The following RAD23B variants were observed in gnomAD, a reference collection of about 807,000 sequenced individuals.
The protein encoded by RAD23B is RAD23 nucleotide excision repair protein B.
RAD23B carries 5 observed loss-of-function variants against 49.1 expected under a neutral mutation model. That is an observed-to-expected ratio of 0.10 (90% CI 0.05 to 0.21). The LOEUF (loss-of-function observed/expected upper bound fraction) is 0.21. Among genes scored for constraint, RAD23B ranks in the 10% least tolerant of loss-of-function variants. The pLI, the probability that RAD23B is intolerant of heterozygous loss-of-function variation, is 1.00. For missense variants in RAD23B, 356 were observed against 486.7 expected (o/e 0.73, Z 2.53); for synonymous variants, 184 against 165.4 (o/e 1.11, Z -0.86).
chr9:107,328,687 C>T (rs1484096078), intron 9 of RAD23B, among the ~76,000 whole-genome samples: 1 of 152,180 alleles, frequency 6.6e-6, no homozygotes, highest in Non-Finnish European at 1.5e-5. Context: ...CTTGCTCACC[C>T]ACTGCTCACC....
chr9:107,293,245 C>T (rs968181907), intron 1 of RAD23B, among the ~76,000 whole-genome samples: 2 of 152,192 alleles, frequency 1.3e-5, no homozygotes, highest in Non-Finnish European at 2.9e-5. Context: ...TCAGAAGTCA[C>T]ACTTTTACTT....
chr9:107,314,213 T>C lies in RAD23B; in HGVS notation c.553+2476T>C, dbSNP rs538152612. Among the ~76,000 whole-genome samples the C allele has an allele frequency of 2.0e-5, 3 of 152,300 alleles. No homozygotes were observed. In the South Asian group the frequency reaches 6.2e-4, roughly 32 times the overall value. ...GCTTATTCTTTTTAATTTTTAAAAT[T>C]TGTATATAGGGAGTACAAGTGCAGA... is the stretch of plus-strand genomic sequence containing the variant. On this transcript the variant is annotated intron_variant, in intron 5 of 9. Transcript: ENST00000358015.
In RAD23B at chr9:107,302,301, C is replaced by T. The variant is rs533768706; in HGVS notation, c.228+187C>T. Among the ~76,000 whole-genome samples, 42 of 152,064 alleles carry T rather than the reference C, an allele frequency of 2.8e-4. 1 individual carries two copies. The highest frequency in any genetic ancestry group is 9.9e-4 in the African/African-American group (41 of 41,490). On this transcript the variant is annotated intron_variant, in intron 3 of 9. Transcript: ENST00000358015. ...TTATTAATGTTTTACATTAATTACA[C>T]ATTAAACTATAATATAGTTTTAATA... is the stretch of plus-strand genomic sequence containing the variant.
chr9:107,292,323 C>G (rs1833398050), intron 1 of RAD23B, among the ~76,000 whole-genome samples: 1 of 152,158 alleles, frequency 6.6e-6, no homozygotes, highest in South Asian at 2.1e-4. Flanking sequence ...GTTACATGAG[C>G]ACCTCTAGCA....
chr9:107,283,761 G>A, intron 1 of RAD23B, 66 bp downstream of exon 1: 1 of 1,290,784 alleles, frequency 7.7e-7, no homozygotes, highest in Non-Finnish European at 9.9e-7. Flanking sequence ...GGAGCTCGTG[G>A]GGCCGGGCGG....
intron 1 of RAD23B, among the ~76,000 whole-genome samples, chr9:107,288,919 A>G (rs1833327505): frequency 6.6e-6 from 1 of 152,110 alleles, no homozygotes; most frequent in Non-Finnish European, 1.5e-5. Flanking sequence ...TAAGAGAGTG[A>G]GTTAGGCAAG....
chr9:107,311,793 A>T, intron 5 of RAD23B, 56 bp downstream of exon 5: 1 of 1,282,732 alleles, frequency 7.8e-7, no homozygotes. Context: ...AAGAGGTTTC[A>T]CTTTTCTAGA....
rs1028032526 is a variant in RAD23B, at chr9:107,330,277, A to G, written c.*621A>G. 2.0e-5 allele frequency: 3 copies of G among 152,640 alleles called. No individual in the cohort carries two copies. The highest frequency in any genetic ancestry group is 4.4e-5 in the Non-Finnish European group (3 of 68,040). 9.5% of individuals were successfully genotyped at this position (152,640 alleles called of 1,614,324 possible). A position where few individuals can be genotyped will look rare whatever the true frequency, so the allele number is the denominator to read the frequency against. ...ATGAAAATAATTACTGCTATTTTAA[A>G]ATTTCTTGATCATTGAATGTGAGAC... is the stretch of plus-strand genomic sequence containing the variant. On this transcript the variant is annotated 3_prime_UTR_variant, in exon 10 of 10. Coordinates refer to ENST00000358015, the MANE Select transcript of RAD23B (RefSeq NM_002874.5). The surrounding 1 kb of genome is among the most constrained non-coding windows in gnomAD (Gnocchi z 4.4).
intron 5 of RAD23B, among the ~76,000 whole-genome samples, chr9:107,313,350 T>G (rs1157471333): frequency 1.3e-5 from 2 of 152,040 alleles, no homozygotes. Context: ...CTCAGCCTCC[T>G]GAGTAGCTGG....
Position 107,283,670 on chromosome 9 carries a change from A to C in RAD23B, c.41A>C (p.Lys14Thr), listed in dbSNP as rs781683465. ...TLKTLQQQTFKIDIDPEETVK... is the reference protein window; with the variant it reads ...TLKTLQQQTFTIDIDPEETVK... ...AAGACCCTCCAGCAGCAGACCTTCA[A>C]GATAGACATTGACCCCGAGGAGACG... is the stretch of plus-strand genomic sequence containing the variant. The change falls in exon 1 of 10, where the codon AAG (lysine) becomes ACG (threonine). Residue 14 changes from lysine (K) to threonine (T), a missense_variant. Around this residue, in one of 5 missense-constraint regions of RAD23B, gnomAD observed 31 missense variants for 23.5 expected, o/e 1.32. Transcript: ENST00000358015. 6.7e-6 allele frequency: 10 copies of C among 1,482,516 alleles called. No individual in the cohort carries two copies. Among genetic ancestry groups the C allele is most frequent in the Non-Finnish European group, 9.0e-6 (10 of 1,114,258 alleles). 91.8% of individuals were successfully genotyped at this position (1,482,516 alleles called of 1,614,324 possible). A position where few individuals can be genotyped will look rare whatever the true frequency, so the allele number is the denominator to read the frequency against.
chr9:107,304,324 C>G (rs553766873), intron 3 of RAD23B, among the ~76,000 whole-genome samples: 1 of 152,166 alleles, frequency 6.6e-6, no homozygotes, highest in East Asian at 1.9e-4. Flanking sequence ...ACATTTTTAT[C>G]TAGATTGGTT....
chr9:107,307,570 C>A (rs921855917), intron 4 of RAD23B, among the ~76,000 whole-genome samples: 2 of 152,190 alleles, frequency 1.3e-5, no homozygotes, highest in African/African-American at 2.4e-5. Context: ...GAGTCAGAAT[C>A]AGACACAGTG....
At chr9:107,314,124 A>G (rs977698920) in intron 5 of RAD23B, among the ~76,000 whole-genome samples, 3 of 152,202 alleles carry the variant, frequency 2.0e-5, no homozygotes, top group African/African-American at 7.2e-5. Flanking sequence ...AGTGGAAAGC[A>G]ACTCTCATGG....
intron 1 of RAD23B, chr9:107,284,275 C>T (rs1297889285): frequency 2.7e-5 from 26 of 965,862 alleles, no homozygotes; most frequent in African/African-American, 3.5e-5. Flanking sequence ...CTGCCTTCCT[C>T]CCGCCACCAA....
chr9:107,327,964 T>C lies in RAD23B; in HGVS notation c.1117-1579T>C, dbSNP rs554198183. Among the ~76,000 whole-genome samples, 5 of 152,362 alleles carry C rather than the reference T, an allele frequency of 3.3e-5. No individual in the cohort carries two copies. The South Asian group carries it at 1.0e-3, about 32-fold the overall frequency. ...GCCTTTTGTCTATAGTAACAATTTTTATCTTAAATCTGTTTCCTCTGATAT... is the reference window on the plus strand; with the variant it reads ...GCCTTTTGTCTATAGTAACAATTTTCATCTTAAATCTGTTTCCTCTGATAT... On this transcript the variant is annotated intron_variant, in intron 9 of 9. Coordinates refer to ENST00000358015, the MANE Select transcript of RAD23B (RefSeq NM_002874.5).
chr9:107,309,930 C>CAAAAAAAA (rs34745859), intron 4 of RAD23B, among the ~76,000 whole-genome samples: 3 of 75,456 alleles, frequency 4.0e-5, no homozygotes, highest in South Asian at 4.0e-4. Flanking sequence ...GACTCCATCT[C>CAAAAAAAA]AAAAAAAAAA....
At chr9:107,322,222 CGA>C in intron 7 of RAD23B, 104 bp downstream of exon 7, 2 of 1,323,110 alleles carry the variant, frequency 1.5e-6, no homozygotes, top group Non-Finnish European at 2.0e-6. Flanking sequence ...CCAGAGCAGT[CGA>C]ATAATTCGTT....
At chr9:107,312,245 A>G (rs1826902461) in intron 5 of RAD23B, among the ~76,000 whole-genome samples, 4 of 152,286 alleles carry the variant, frequency 2.6e-5, no homozygotes, top group Middle Eastern at 3.4e-3. Flanking sequence ...CATCACCCCA[A>G]TCTGTCAAAA....
chr9:107,288,903 A>G (rs1217822367), intron 1 of RAD23B, among the ~76,000 whole-genome samples: 1 of 152,096 alleles, frequency 6.6e-6, no homozygotes, highest in East Asian at 1.9e-4. Context: ...TGAGTTGGGT[A>G]AGAGATAAGA....
Sources: allele counts gnomAD v4.1 joint callset (sites outside exome capture counted in the v4.1 genomes callset), GRCh38; gene constraint gnomAD v4.1.1; regional missense constraint gnomAD v4.1.1; non-coding constraint Gnocchi (gnomAD v3.1); transcripts MANE v1.5; gene names NCBI Gene and HGNC (gene_info 2026-07-23, HGNC 2026-07-21).